ZCCHC24: variants seen among roughly 807,000 people sequenced by gnomAD.
ZCCHC24 encodes the protein zinc finger CCHC-type containing 24.
ZCCHC24 carries 10 observed loss-of-function variants against 26.2 expected under a neutral mutation model. That is an observed-to-expected ratio of 0.38 (90% CI 0.24 to 0.65). The LOEUF is 0.65. ZCCHC24 is among the 30% of genes least tolerant of loss of function. ZCCHC24 has a pLI of 0.54. For synonymous variants in ZCCHC24, 144 were observed against 147.1 expected (o/e 0.98, Z 0.15); for missense variants, 243 against 329.1 (o/e 0.74, Z 2.03).
chr10:79,398,735 G>A (rs1856582342), intron 2 of ZCCHC24, among the ~76,000 whole-genome samples: 1 of 152,230 alleles, frequency 6.6e-6, no homozygotes, highest in Non-Finnish European at 1.5e-5. Context: ...AAAGAGGAAA[G>A]AGAACTGGCA....
chr10:79,434,891 C>G (rs1382665787), intron 1 of ZCCHC24, among the ~76,000 whole-genome samples: 3 of 139,088 alleles, frequency 2.2e-5, no homozygotes, highest in Non-Finnish European at 4.4e-5. Context: ...AACAACAACG[C>G]CCCCGCCTAC....
intron 1 of ZCCHC24, among the ~76,000 whole-genome samples, chr10:79,437,047 C>CT (rs1410372988): frequency 7.9e-5 from 12 of 151,614 alleles, no homozygotes; most frequent in South Asian, 4.2e-4. Context: ...TTATAGTTTA[C>CT]TTTTTTTTTG....
intron 1 of ZCCHC24, among the ~76,000 whole-genome samples, chr10:79,441,031 G>A (rs1267416008): frequency 2.0e-5 from 3 of 151,072 alleles, no homozygotes; most frequent in African/African-American, 7.3e-5. Context: ...CCGAACTCTG[G>A]GCTGGGATAG....
intron 2 of ZCCHC24, among the ~76,000 whole-genome samples, chr10:79,425,860 T>A (rs996091380): frequency 6.7e-6 from 1 of 150,360 alleles, no homozygotes; most frequent in Non-Finnish European, 1.5e-5. Context: ...AGCTGTTTTT[T>A]CAAGAAGCAA....
At chr10:79,437,891 G>A (rs926893827) in intron 1 of ZCCHC24, among the ~76,000 whole-genome samples, 2 of 152,220 alleles carry the variant, frequency 1.3e-5, no homozygotes, top group Non-Finnish European at 2.9e-5. Flanking sequence ...GCAGGAGTTA[G>A]GGCAGGAGGG....
chr10:79,390,909 CG>C (rs1856471436), intron 3 of ZCCHC24, among the ~76,000 whole-genome samples: 1 of 152,056 alleles, frequency 6.6e-6, no homozygotes, highest in African/African-American at 2.4e-5. Context: ...CCCTCTCCAC[CG>C]CGGGGCAACA....
chr10:79,413,417 G>A (rs963272259), intron 2 of ZCCHC24, among the ~76,000 whole-genome samples: 3 of 152,202 alleles, frequency 2.0e-5, no homozygotes, highest in African/African-American at 7.2e-5. Context: ...GGAGTGGAAC[G>A]GAAGACTGTG....
intron 1 of ZCCHC24, among the ~76,000 whole-genome samples, chr10:79,437,828 C>T (rs1352608479): frequency 6.6e-6 from 1 of 152,232 alleles, no homozygotes; most frequent in African/African-American, 2.4e-5. Context: ...GGGACTTCTT[C>T]TCTTTTCTTC....
intron 2 of ZCCHC24, among the ~76,000 whole-genome samples, chr10:79,399,773 G>GC (rs759295578): frequency 7.2e-5 from 11 of 152,324 alleles, no homozygotes; most frequent in South Asian, 6.2e-4. Flanking sequence ...AGTGGGAGGG[G>GC]CCCCCCGGGC....
rs761298578 is a variant in ZCCHC24 at position 79,444,154 on chromosome 10, A to C, written c.246+1041T>G. 1.2e-5 allele frequency: 19 copies of C among 1,545,220 alleles called. No individual in the cohort carries two copies. The East Asian group carries it at 1.7e-4, about 14-fold the overall frequency. ...GACCCCCATGTGTGTCCTCCCCCGAACACACCTCTTGCATCTTTGCAGAGA... is the reference window on the plus strand; with the variant it reads ...GACCCCCATGTGTGTCCTCCCCCGACCACACCTCTTGCATCTTTGCAGAGA... On this transcript the variant is annotated intron_variant, in intron 1 of 3. Transcript: ENST00000372336.
chr10:79,390,421 G>A (rs1856463786), intron 3 of ZCCHC24, among the ~76,000 whole-genome samples: 1 of 152,238 alleles, frequency 6.6e-6, no homozygotes, highest in South Asian at 2.1e-4. Flanking sequence ...TTGGTATCAT[G>A]TGTTATATAG....
intron 3 of ZCCHC24, among the ~76,000 whole-genome samples, chr10:79,393,420 C>T (rs992719316): frequency 1.3e-5 from 2 of 152,192 alleles, no homozygotes; most frequent in African/African-American, 4.8e-5. Flanking sequence ...TTCTCCTAGG[C>T]TCCTGTTCTT....
chr10:79,435,656 T>A (rs1004101656), intron 1 of ZCCHC24, among the ~76,000 whole-genome samples: 7 of 152,234 alleles, frequency 4.6e-5, no homozygotes, highest in Admixed American at 1.3e-4. Context: ...GACCGTCAGC[T>A]GACCCTACCT....
intron 2 of ZCCHC24, among the ~76,000 whole-genome samples, chr10:79,414,534 C>T (rs1314685911): frequency 6.6e-6 from 1 of 152,166 alleles, no homozygotes; most frequent in Non-Finnish European, 1.5e-5. Context: ...TGAGGTTGAA[C>T]ATCTGGAACC....
intron 1 of ZCCHC24, among the ~76,000 whole-genome samples, chr10:79,436,337 C>T (rs1196650013): frequency 6.6e-6 from 1 of 152,194 alleles, no homozygotes; most frequent in African/African-American, 2.4e-5. Context: ...TGGCCTTGAC[C>T]TCATCCTTTC....
Position 79,434,713 on chromosome 10 carries a change from T to C in ZCCHC24, c.247-1955A>G, listed in dbSNP as rs116388397. On this transcript the variant is annotated intron_variant, in intron 1 of 3. Coordinates refer to ENST00000372336, the MANE Select transcript of ZCCHC24 (RefSeq NM_153367.4). ...CACCTGGAATCGAGGGCCCGAAATCTGTATTTTTAGGTGTGCGGCAAAATA... is the reference window on the plus strand; with the variant it reads ...CACCTGGAATCGAGGGCCCGAAATCCGTATTTTTAGGTGTGCGGCAAAATA... Among the ~76,000 whole-genome samples, 422 of 152,342 alleles carry C rather than the reference T, an allele frequency of 2.8e-3. 4 individuals are homozygous for C. The highest frequency in any genetic ancestry group is 9.8e-3 in the African/African-American group (406 of 41,586).
chr10:79,406,982 C>T (rs1001088191), intron 2 of ZCCHC24, among the ~76,000 whole-genome samples: 1 of 152,242 alleles, frequency 6.6e-6, no homozygotes. Flanking sequence ...GCCTCCCAAC[C>T]AAATCCAGTG....
chr10:79,445,419 C>T lies in ZCCHC24; in HGVS notation c.22G>A (p.Asp8Asn). The T allele has an allele frequency of 6.7e-7, 1 of 1,483,028 alleles. No individual in the cohort carries two copies. Among genetic ancestry groups the T allele is most frequent in the Admixed American group, 2.3e-5 (1 of 43,148 alleles). The allele number at this position is 1,483,028 out of a possible 1,614,324, so 91.9% of individuals were successfully genotyped here. A position where few individuals can be genotyped will look rare whatever the true frequency, so the allele number is the denominator to read the frequency against. The change falls in exon 1 of 4, where the codon GAC (aspartate) becomes AAC (asparagine). Residue 8 changes from aspartate (D) to asparagine (N), a missense_variant. By Grantham distance (23) the Asp-to-Asn change is conservative (BLOSUM62 1). Coordinates refer to ENST00000372336, the MANE Select transcript of ZCCHC24 (RefSeq NM_153367.4). MSLLSAI[D>N]TSAASVYQPA... ...TGGTACACCGAGGCGGCGCTCGTGT[C>T]GATGGCCGACAGCAGGCTCATTTTG...
At chr10:79,395,604 T>C (rs983027561) in intron 2 of ZCCHC24, among the ~76,000 whole-genome samples, 1 of 152,214 alleles carries the variant, frequency 6.6e-6, no homozygotes, top group African/African-American at 2.4e-5. Flanking sequence ...ATCTAAAAGG[T>C]AGAAAATCTT....
Sources: gnomAD v4.1 joint callset for allele counts (sites outside exome capture counted in the v4.1 genomes callset) on GRCh38, gnomAD v4.1.1 for gene constraint, MANE v1.5 for transcripts, NCBI Gene and HGNC (gene_info 2026-07-23, HGNC 2026-07-21) for gene names.